The following ARL8A variants were observed in gnomAD, a reference collection of about 807,000 sequenced individuals.
ARL8A encodes the protein ARF like GTPase 8A, also known as ADP-ribosylation factor-like protein 8A.
Under a neutral mutation model 31.2 loss-of-function variants are expected in ARL8A, and 10 were observed. The ratio of observed to expected loss-of-function variants is 0.32; its 90% CI spans 0.20 to 0.54. The LOEUF (loss-of-function observed/expected upper bound fraction) is 0.54. Ranked by LOEUF, ARL8A falls within the 20% of genes least tolerant of loss-of-function variation. The pLI is 0.93. For synonymous variants in ARL8A, 70 were observed against 86.9 expected (o/e 0.81, Z 1.08); for missense variants, 129 against 242.8 (o/e 0.53, Z 3.12).
rs372869400 is a variant in ARL8A, at chr1:202,134,434, C to T, written c.*33G>A. 9 of 1,602,080 alleles carry T rather than the reference C, an allele frequency of 5.6e-6. No individual in the cohort carries two copies. Among genetic ancestry groups the T allele is most frequent in the African/African-American group, 4.0e-5 (3 of 74,680 alleles). ...GCTCGGCTTCAGGTTTAGATGATGACGGTCCCTGGTCTGAGGGAGAAGGGC... is the reference window on the plus strand; with the variant it reads ...GCTCGGCTTCAGGTTTAGATGATGATGGTCCCTGGTCTGAGGGAGAAGGGC... On this transcript the variant is annotated 3_prime_UTR_variant, in exon 7 of 7. Coordinates refer to ENST00000272217, the MANE Select transcript of ARL8A (RefSeq NM_138795.4). The surrounding 1 kb of genome is among the most constrained non-coding windows in gnomAD (Gnocchi z 4.2).
chr1:202,135,267 G>C lies in ARL8A; in HGVS notation c.441-47C>G, dbSNP rs1023122402. ...TCCGCTGAGGCTACGAACGTCCAGG[G>C]GGCCTGGGGCTAGGGGACAGCGGGG... On this transcript the variant is annotated intron_variant, in intron 5 of 6. Transcript: ENST00000272217. The surrounding 1 kb of genome is among the most constrained non-coding windows in gnomAD (Gnocchi z 5.3). 1.3e-6 allele frequency: 2 copies of C among 1,574,212 alleles called. No individual in the cohort carries two copies. Among genetic ancestry groups the C allele is most frequent in the African/African-American group, 2.7e-5 (2 of 73,964 alleles).
chr1:202,136,977 C>T (rs987086608), intron 3 of ARL8A, among the ~76,000 whole-genome samples: 3 of 151,922 alleles, frequency 2.0e-5, no homozygotes, highest in Admixed American at 1.3e-4. Context: ...GCCTCAGCCT[C>T]GCGAGTAGCT....
chr1:202,142,706 T>C (rs1015829370), intron 1 of ARL8A, among the ~76,000 whole-genome samples: 1 of 152,208 alleles, frequency 6.6e-6, no homozygotes, highest in African/African-American at 2.4e-5. Context: ...TTTGGGACTC[T>C]TGGGTTCTGT....
At position 202,144,465 on chromosome 1, in the gene ARL8A, G is replaced by C; in HGVS notation, c.108C>G (p.Phe36Leu). The change falls in exon 1 of 7, where the codon TTC (phenylalanine) becomes TTG (leucine). Residue 36 changes from phenylalanine (F) to leucine (L), a missense_variant. Physicochemically the swap from Phe to Leu is conservative, Grantham distance 22 (BLOSUM62 0). Transcript: ENST00000272217. The surrounding 1 kb of genome is among the most constrained non-coding windows in gnomAD (Gnocchi z 5.2). Reference protein sequence around the residue: ...VGLQYSGKTTFVNVIASGQFN... With the variant: ...VGLQYSGKTTLVNVIASGQFN... Reference sequence around the variant, plus strand: ...GCCCTCGTACCGCGATCACGTTGACGAAGGTGGTCTTGCCCGAGTACTGAA... The same window carrying C: ...GCCCTCGTACCGCGATCACGTTGACCAAGGTGGTCTTGCCCGAGTACTGAA... 2 of 1,454,552 alleles carry C rather than the reference G, an allele frequency of 1.4e-6. No homozygotes were observed. The highest frequency in any genetic ancestry group is 1.8e-6 in the Non-Finnish European group (2 of 1,082,076). The allele number at this position is 1,454,552 out of a possible 1,614,324, so 90.1% of individuals were successfully genotyped here. A position where few individuals can be genotyped will look rare whatever the true frequency, so the allele number is the denominator to read the frequency against.
In ARL8A at chr1:202,135,113, C is replaced by G. The variant is rs1207302257; in HGVS notation, c.511+37G>C. ...AGAGCCACTAAAACACTCAGAAATG[C>G]CTCTCCCCTCTCCTCCCTTTCCCCC... On this transcript the variant is annotated intron_variant, in intron 6 of 6. Transcript: ENST00000272217. The surrounding 1 kb of genome is among the most constrained non-coding windows in gnomAD (Gnocchi z 5.3). The G allele has an allele frequency of 1.3e-6, 2 of 1,579,816 alleles. No individual in the cohort carries two copies. The highest frequency in any genetic ancestry group is 2.2e-5 in the South Asian group (2 of 90,352).
chr1:202,134,901 C>T lies in ARL8A; in HGVS notation c.511+249G>A, dbSNP rs1355632672. ...GAGCCAGCAGGGACCTGAGAATCAC[C>T]GGGTCCAGCCCTGGAATCTTAGAAA... On this transcript the variant is annotated intron_variant, in intron 6 of 6. Transcript: ENST00000272217. This position sits in a 1 kb window ranked among gnomAD's most constrained non-coding sequence, Gnocchi z 4.2. Among the ~76,000 whole-genome samples, 1 of 152,158 alleles carries T rather than the reference C, an allele frequency of 6.6e-6. No homozygotes were observed. Among genetic ancestry groups the T allele is most frequent in the East Asian group, 1.9e-4 (1 of 5,192 alleles).
In ARL8A at chr1:202,138,262, C is replaced by T. The variant is rs1357656001; in HGVS notation, c.204+106G>A. ...CCCTGGCCTCTGCCCCACTTCAGCT[C>T]GCTCCTCCCAGGGGCCTCCGTTGCC... is the stretch of plus-strand genomic sequence containing the variant. On this transcript the variant is annotated intron_variant, in intron 2 of 6. Coordinates refer to ENST00000272217, the MANE Select transcript of ARL8A (RefSeq NM_138795.4). This position sits in a 1 kb window ranked among gnomAD's most constrained non-coding sequence, Gnocchi z 4.4. The T allele has an allele frequency of 1.0e-5, 14 of 1,340,118 alleles. No homozygotes were observed. Among genetic ancestry groups the T allele is most frequent in the East Asian group, 4.7e-5 (2 of 42,834 alleles). 83.0% of individuals were successfully genotyped at this position (1,340,118 alleles called of 1,614,324 possible). A position where few individuals can be genotyped will look rare whatever the true frequency, so the allele number is the denominator to read the frequency against.
Position 202,135,696 on chromosome 1 carries a change from G to A in ARL8A, c.372+11C>T. On this transcript the variant is annotated intron_variant, in intron 4 of 6. Transcript: ENST00000272217. The surrounding 1 kb of genome is among the most constrained non-coding windows in gnomAD (Gnocchi z 5.3). ...GCTCCCTCCCCATCCCGCTCCCTCA[G>A]GTCTGCTGACCGGGATGCCCTGCAG... 1 of 1,612,366 alleles carries A rather than the reference G, an allele frequency of 6.2e-7. No homozygotes were observed. Among genetic ancestry groups the A allele is most frequent in the Non-Finnish European group, 8.5e-7 (1 of 1,178,444 alleles).
Position 202,134,665 on chromosome 1 carries a change from G to A in ARL8A, c.512-149C>T. 1.4e-6 allele frequency: 1 copy of A among 734,396 alleles called. No homozygotes were observed. The highest frequency in any genetic ancestry group is 2.4e-6 in the Non-Finnish European group (1 of 415,782). 45.5% of individuals were successfully genotyped at this position (734,396 alleles called of 1,614,324 possible). On this transcript the variant is annotated intron_variant, in intron 6 of 6. Transcript: ENST00000272217. The surrounding 1 kb of genome is among the most constrained non-coding windows in gnomAD (Gnocchi z 4.2). ...CACACCTGGAGTCTCAGCTACATGG[G>A]AAGCTCAGGTGAGAGGATTGCTTGA...
Position 202,135,514 on chromosome 1 carries a change from C to A in ARL8A, c.385G>T (p.Gly129Cys). Residue 129 changes from glycine to cysteine, a missense_variant, in exon 5 of 7, where the codon GGT becomes TGT. Physicochemically the swap from Gly to Cys is radical, Grantham distance 159. Transcript: ENST00000272217. The surrounding 1 kb of genome is among the most constrained non-coding windows in gnomAD (Gnocchi z 5.3). ...QLQGIPVLVL[G>C]NKRDLPGALD... ...GCTCCCGGAAGGTCTCGCTTGTTAC[C>A]CAGGACTAAGACCTACGGAGAAGGG... is the stretch of plus-strand genomic sequence containing the variant. 6.2e-7 allele frequency: 1 copy of A among 1,614,020 alleles called. No homozygotes were observed. Among genetic ancestry groups the A allele is most frequent in the South Asian group, 1.1e-5 (1 of 91,054 alleles).
At position 202,135,018 on chromosome 1, in the gene ARL8A, C is replaced by G. The variant is rs1050268193; in HGVS notation, c.511+132G>C. 2 of 864,296 alleles carry G rather than the reference C, an allele frequency of 2.3e-6. No homozygotes were observed. Among genetic ancestry groups the G allele is most frequent in the Non-Finnish European group, 3.7e-6 (2 of 542,068 alleles). The allele number at this position is 864,296 out of a possible 1,614,324, so 53.5% of individuals were successfully genotyped here. Reference sequence around the variant, plus strand: ...GGGATAGTGCCCAGAATCTGGGCCACCTGGCTGCCTTTTCTACCCAAGAGC... The same window carrying G: ...GGGATAGTGCCCAGAATCTGGGCCAGCTGGCTGCCTTTTCTACCCAAGAGC... On this transcript the variant is annotated intron_variant, in intron 6 of 6. Coordinates refer to ENST00000272217, the MANE Select transcript of ARL8A (RefSeq NM_138795.4). The surrounding 1 kb of genome is among the most constrained non-coding windows in gnomAD (Gnocchi z 5.3).
At position 202,138,298 on chromosome 1, in the gene ARL8A, C is replaced by CACACAT; in HGVS notation, c.204+69_204+70insATGTGT. On this transcript the variant is annotated intron_variant, in intron 2 of 6. Coordinates refer to ENST00000272217, the MANE Select transcript of ARL8A (RefSeq NM_138795.4). This position sits in a 1 kb window ranked among gnomAD's most constrained non-coding sequence, Gnocchi z 4.4. ...GGGGCCTCCGTTGCCCTCCCCAACA[C>CACACAT]ACACACACACACACACACACACACA... 6.6e-6 allele frequency: 1 copy of CACACAT among 151,664 alleles called. No individual in the cohort carries two copies. The highest frequency in any genetic ancestry group is 3.2e-4 in the Admixed American group (1 of 3,120). The allele number at this position is 151,664 out of a possible 1,614,324, so 9.4% of individuals were successfully genotyped here.
chr1:202,136,190 T>C (rs1477356766), intron 3 of ARL8A, among the ~76,000 whole-genome samples: 1 of 152,242 alleles, frequency 6.6e-6, no homozygotes, highest in Non-Finnish European at 1.5e-5. Context: ...TTTAGCAAGA[T>C]ACTTTTTGTT....
At position 202,138,518 on chromosome 1, in the gene ARL8A, C is replaced by T. The variant is rs888431712; in HGVS notation, c.124-70G>A. ...GCCCCCACCGCAGACCAAGAGGCTG[C>T]GAGAACCATGCAGAGGCCAGGCCAG... On this transcript the variant is annotated intron_variant, in intron 1 of 6. Coordinates refer to ENST00000272217, the MANE Select transcript of ARL8A (RefSeq NM_138795.4). This position sits in a 1 kb window ranked among gnomAD's most constrained non-coding sequence, Gnocchi z 4.4. The T allele has an allele frequency of 2.3e-5, 33 of 1,466,412 alleles. No individual in the cohort carries two copies. In the Middle Eastern group the frequency reaches 8.7e-4, roughly 39 times the overall value. 90.8% of individuals were successfully genotyped at this position (1,466,412 alleles called of 1,614,324 possible).
At position 202,135,647 on chromosome 1, in the gene ARL8A, T is replaced by G; in HGVS notation, c.372+60A>C. The stretch of plus-strand genomic sequence containing the variant: ...GCCCCTACCATGCCTGGCTTTTACC[T>G]GCTCCCAGTGACTTCCCAGCCGAGC... On this transcript the variant is annotated intron_variant, in intron 4 of 6. Transcript: ENST00000272217. The surrounding 1 kb of genome is among the most constrained non-coding windows in gnomAD (Gnocchi z 5.3). 1 of 1,585,404 alleles carries G rather than the reference T, an allele frequency of 6.3e-7. No homozygotes were observed. The highest frequency in any genetic ancestry group is 1.1e-5 in the South Asian group (1 of 90,456).
In ARL8A at chr1:202,135,409, T is replaced by G. The variant is rs752803471; in HGVS notation, c.440+50A>C. Reference sequence around the variant, plus strand: ...CAGCAAGCCTAGGCTGTTGGTCTGGTGGTTGGGGAATTGGGAGAGCAGAAA... The same window carrying G: ...CAGCAAGCCTAGGCTGTTGGTCTGGGGGTTGGGGAATTGGGAGAGCAGAAA... On this transcript the variant is annotated intron_variant, in intron 5 of 6. Coordinates refer to ENST00000272217, the MANE Select transcript of ARL8A (RefSeq NM_138795.4). The surrounding 1 kb of genome is among the most constrained non-coding windows in gnomAD (Gnocchi z 5.3). 7 of 1,593,360 alleles carry G rather than the reference T, an allele frequency of 4.4e-6. No homozygotes were observed. In the South Asian group the frequency reaches 7.7e-5, roughly 18 times the overall value.
chr1:202,137,100 C>T (rs868101640), intron 3 of ARL8A, among the ~76,000 whole-genome samples: 10 of 152,112 alleles, frequency 6.6e-5, no homozygotes, highest in South Asian at 2.1e-4. Flanking sequence ...TCGTGATCCG[C>T]CCACCTCGGC....
At chr1:202,143,467 G>A (rs1655217090) in intron 1 of ARL8A, among the ~76,000 whole-genome samples, 2 of 152,284 alleles carry the variant, frequency 1.3e-5, no homozygotes, top group South Asian at 4.1e-4. Flanking sequence ...TTTGGGACTG[G>A]GGCCAGGTCC....
chr1:202,139,575 G>GA (rs1010852838), intron 1 of ARL8A, among the ~76,000 whole-genome samples: 102 of 109,524 alleles, frequency 9.3e-4, no homozygotes, highest in East Asian at 1.8e-3. Context: ...TCCGGCTTGA[G>GA]AAAAAAAAAA....
Sources: allele counts gnomAD v4.1 joint callset (sites outside exome capture counted in the v4.1 genomes callset), GRCh38; gene constraint gnomAD v4.1.1; non-coding constraint Gnocchi (gnomAD v3.1); transcripts MANE v1.5; gene names NCBI Gene and HGNC (gene_info 2026-07-23, HGNC 2026-07-21).